PRDM5: variants seen among roughly 807,000 people sequenced by gnomAD.
PRDM5 encodes PR domain zinc finger protein 5.
In PRDM5, 56 loss-of-function variants were observed where a neutral mutation model predicts 81.2. The ratio of observed to expected loss-of-function variants is 0.69; its 90% confidence interval spans 0.56 to 0.86. The LOEUF (loss-of-function observed/expected upper bound fraction) is 0.86. Ranked by LOEUF, PRDM5 falls within the 40% of genes least tolerant of loss-of-function variation. PRDM5 has a pLI of 0.00. For synonymous variants in PRDM5, 267 were observed against 256.4 expected (o/e 1.04, Z -0.39); for missense variants, 697 against 770.1 (o/e 0.91, Z 1.12).
chr4:120,748,920 C>T (rs543041568), intron 14 of PRDM5, among the ~76,000 whole-genome samples: 2 of 152,146 alleles, frequency 1.3e-5, no homozygotes, highest in South Asian at 2.1e-4. Flanking sequence ...GGGGTGCTTC[C>T]CTGACTGAAT....
chr4:120,713,521 A>G (rs1469483610), intron 14 of PRDM5, among the ~76,000 whole-genome samples: 1 of 152,126 alleles, frequency 6.6e-6, no homozygotes, highest in East Asian at 1.9e-4. Flanking sequence ...AGTTTTTCCC[A>G]TATATTTTAT....
chr4:120,821,633 T>C (rs576943413), intron 3 of PRDM5, among the ~76,000 whole-genome samples: 1 of 152,156 alleles, frequency 6.6e-6, no homozygotes, highest in East Asian at 1.9e-4. Flanking sequence ...CAAGCAACAC[T>C]TTGTGGTGGC....
intron 2 of PRDM5, among the ~76,000 whole-genome samples, chr4:120,863,312 C>G (rs1263612815): frequency 6.6e-6 from 1 of 151,614 alleles, no homozygotes; most frequent in Admixed American, 6.6e-5. Flanking sequence ...TTCCTCCAGA[C>G]TCTGCCTATG....
chr4:120,889,901 T>A (rs1763858150), intron 2 of PRDM5, among the ~76,000 whole-genome samples: 1 of 152,216 alleles, frequency 6.6e-6, no homozygotes. Context: ...TTTTTATGGC[T>A]GCATAGTATT....
chr4:120,893,958 T>C (rs1373392596), intron 2 of PRDM5, among the ~76,000 whole-genome samples: 1 of 152,230 alleles, frequency 6.6e-6, no homozygotes, highest in Non-Finnish European at 1.5e-5. Context: ...AGCTTTGCTT[T>C]GTTCTTTGGT....
chr4:120,780,806 T>C (rs925232357), intron 12 of PRDM5, among the ~76,000 whole-genome samples: 1 of 152,128 alleles, frequency 6.6e-6, no homozygotes, highest in African/African-American at 2.4e-5. Flanking sequence ...GTACTACTCA[T>C]ATTTCTTAGA....
chr4:120,743,161 T>C (rs201994964), intron 14 of PRDM5, among the ~76,000 whole-genome samples: 6,992 of 151,806 alleles, frequency 0.046, 318 homozygotes, highest in Middle Eastern at 0.15. Flanking sequence ...AACCCAGAAT[T>C]TCATATCCAG....
At chr4:120,852,397 T>A (rs1428831782) in intron 3 of PRDM5, among the ~76,000 whole-genome samples, 1 of 152,122 alleles carries the variant, frequency 6.6e-6, no homozygotes, top group East Asian at 1.9e-4. Flanking sequence ...CCCTCCATAA[T>A]GTGGGTGGGC....
intron 2 of PRDM5, among the ~76,000 whole-genome samples, chr4:120,891,743 C>A (rs1417008771): frequency 6.6e-6 from 1 of 152,118 alleles, no homozygotes; most frequent in Non-Finnish European, 1.5e-5. Flanking sequence ...AATTCTCCTG[C>A]TTCAGCCTCC....
intron 10 of PRDM5, among the ~76,000 whole-genome samples, chr4:120,794,901 C>G (rs1329750909): frequency 6.6e-6 from 1 of 152,210 alleles, no homozygotes; most frequent in African/African-American, 2.4e-5. Flanking sequence ...GCTGGGATTA[C>G]AGGCATGAGC....
intron 11 of PRDM5, 28 bp from the exon 12 acceptor site, chr4:120,781,331 AG>A (rs1377057494): frequency 6.2e-7 from 1 of 1,601,772 alleles, no homozygotes; most frequent in East Asian, 2.2e-5. Flanking sequence ...ACATTTAAGA[AG>A]CAATAGCAGG....
rs1734257516 is a variant in PRDM5, at chr4:120,693,857, A to G, written c.*1254T>C. On this transcript the variant is annotated 3_prime_UTR_variant, in exon 16 of 16. Coordinates refer to ENST00000264808, the MANE Select transcript of PRDM5 (RefSeq NM_018699.4). ...TCCTCCAGGTTATTTTGACATCACTATTACATTGTATCATATCATCTCTCC... is the reference window on the plus strand; with the variant it reads ...TCCTCCAGGTTATTTTGACATCACTGTTACATTGTATCATATCATCTCTCC... 1 of 152,114 alleles carries G rather than the reference A, an allele frequency of 6.6e-6. No homozygotes were observed. Among genetic ancestry groups the G allele is most frequent in the Non-Finnish European group, 1.5e-5 (1 of 68,008 alleles). 9.4% of individuals were successfully genotyped at this position (152,114 alleles called of 1,614,324 possible).
At chr4:120,799,359 T>TA (rs1436373593) in intron 9 of PRDM5, among the ~76,000 whole-genome samples, 4 of 152,178 alleles carry the variant, frequency 2.6e-5, no homozygotes, top group African/African-American at 9.6e-5. Context: ...ATTTGAAAGG[T>TA]AGGCACCAGT....
At chr4:120,774,244 G>C (rs548647085) in intron 13 of PRDM5, among the ~76,000 whole-genome samples, 23 of 152,246 alleles carry the variant, frequency 1.5e-4, no homozygotes, top group Admixed American at 4.6e-4. Context: ...CATGGTCCTC[G>C]CCACTTCATT....
intron 14 of PRDM5, among the ~76,000 whole-genome samples, chr4:120,730,695 A>G (rs1305949104): frequency 2.6e-5 from 4 of 152,234 alleles, no homozygotes; most frequent in Non-Finnish European, 5.9e-5. Flanking sequence ...TATATTTCAG[A>G]CAGCATGTAC....
intron 2 of PRDM5, among the ~76,000 whole-genome samples, chr4:120,855,291 G>A (rs932327042): frequency 7.2e-5 from 11 of 152,132 alleles, no homozygotes; most frequent in Non-Finnish European, 1.2e-4. Flanking sequence ...TGGGAAGCAC[G>A]AATTTAATTT....
intron 5 of PRDM5, among the ~76,000 whole-genome samples, chr4:120,817,955 C>T (rs1188338578): frequency 6.6e-6 from 1 of 151,946 alleles, no homozygotes; most frequent in Admixed American, 6.6e-5. Context: ...ATTTCTTAAA[C>T]TTTTTTTTAA....
intron 10 of PRDM5, among the ~76,000 whole-genome samples, chr4:120,796,048 T>C (rs760933105): frequency 2.8e-4 from 42 of 152,296 alleles, no homozygotes; most frequent in Non-Finnish European, 5.1e-4. Context: ...ATATATTATA[T>C]TCTCAAAAAA....
At chr4:120,818,325 T>C (rs199746788) in intron 5 of PRDM5, 28 bp downstream of exon 5, 33 of 1,600,512 alleles carry the variant, frequency 2.1e-5, no homozygotes, top group Middle Eastern at 1.7e-4. Flanking sequence ...AGCTTATAAT[T>C]TTAAAGATAT....
Sources: gnomAD v4.1 joint callset for allele counts (sites outside exome capture counted in the v4.1 genomes callset) on GRCh38, gnomAD v4.1.1 for gene constraint, MANE v1.5 for transcripts, NCBI Gene and HGNC (gene_info 2026-07-23, HGNC 2026-07-21) for gene names.